G0S2: variants seen among roughly 807,000 people sequenced by gnomAD.
The protein encoded by G0S2 is G0/G1 switch protein 2.
For synonymous variants in G0S2, 64 were observed against 66.0 expected, an observed-to-expected ratio of 0.97 and a Z score of 0.15; for missense variants, 139 against 139.1, an observed-to-expected ratio of 1.00 and a Z score of 0.00.
Position 209,675,831 on chromosome 1 carries a change from C to T in G0S2, c.147C>T (p.Pro49=), listed in dbSNP as rs1369730322. The T allele has an allele frequency of 1.2e-6, 2 of 1,600,152 alleles. No homozygotes were observed. Among genetic ancestry groups the T allele is most frequent in the African/African-American group, 2.7e-5 (2 of 74,828 alleles). ...VLGLMETVCS[P]FTAARRLRDQ... is the part of the protein sequence containing the mutation. ...GCCTGATGGAGACTGTGTGCAGCCCCTTCACGGCCGCCAGACGTCTGCGGG... is the reference window on the plus strand; with the variant it reads ...GCCTGATGGAGACTGTGTGCAGCCCTTTCACGGCCGCCAGACGTCTGCGGG... Residue 49 remains proline (P), a synonymous_variant, in exon 2 of 2, where the codon CCC becomes CCT. Transcript: ENST00000367029. The surrounding 1 kb of genome is among the most constrained non-coding windows in gnomAD (Gnocchi z 5.4).
chr1:209,675,746 G>C lies in G0S2; in HGVS notation c.62G>C (p.Gly21Ala). 1.9e-6 allele frequency: 3 copies of C among 1,604,580 alleles called. No homozygotes were observed. Among genetic ancestry groups the C allele is most frequent in the Non-Finnish European group, 2.6e-6 (3 of 1,175,182 alleles). Residue 21 changes from glycine (G) to alanine (A), a missense_variant, in exon 2 of 2, where the codon GGG becomes GCG. Transcript: ENST00000367029. The surrounding 1 kb of genome is among the most constrained non-coding windows in gnomAD (Gnocchi z 5.4). ...GAGATGATGGCCCAGAAGCGCAAGG[G>C]GAAGATGGTGAAGCTGTACGTGCTG... is the stretch of plus-strand genomic sequence containing the variant. ...AKEMMAQKRK[G>A]KMVKLYVLGS...
Position 209,675,956 on chromosome 1 carries a change from T to TCGG in G0S2, c.277_279dup (p.Gly93dup). 1 of 1,564,706 alleles carries TCGG rather than the reference T, an allele frequency of 6.4e-7. No individual in the cohort carries two copies. Among genetic ancestry groups the TCGG allele is most frequent in the Non-Finnish European group, 8.7e-7 (1 of 1,150,700 alleles). On this transcript the variant is annotated inframe_insertion, in exon 2 of 2. Coordinates refer to ENST00000367029, the MANE Select transcript of G0S2 (RefSeq NM_015714.4). This position sits in a 1 kb window ranked among gnomAD's most constrained non-coding sequence, Gnocchi z 5.4. ...AAAGGCAAGCAGCAGGACACGGTCC[T>TCGG]CGGCGGCCGGGCCCTGTCCAACCGG...
chr1:209,675,873 G>A lies in G0S2; in HGVS notation c.189G>A (p.Val63=), dbSNP rs1432009950. Residue 63 remains valine (V), a synonymous_variant, in exon 2 of 2, where the codon GTG becomes GTA. Transcript: ENST00000367029. The surrounding 1 kb of genome is among the most constrained non-coding windows in gnomAD (Gnocchi z 5.4). ...ARRLRDQEAA[V]AELQAALERQ... ...GTCTGCGGGACCAGGAGGCAGCCGTGGCGGAGCTGCAGGCCGCCCTGGAGC... is the reference window on the plus strand; with the variant it reads ...GTCTGCGGGACCAGGAGGCAGCCGTAGCGGAGCTGCAGGCCGCCCTGGAGC... 1 of 1,601,038 alleles carries A rather than the reference G, an allele frequency of 6.2e-7. No individual in the cohort carries two copies. Among genetic ancestry groups the A allele is most frequent in the Non-Finnish European group, 8.5e-7 (1 of 1,173,626 alleles).
rs879055147 is a variant in G0S2 at position 209,676,225 on chromosome 1, G to T, written c.*229G>T. 1 of 486,186 alleles carries T rather than the reference G, an allele frequency of 2.1e-6. No individual in the cohort carries two copies. The highest frequency in any genetic ancestry group is 2.0e-5 in the African/African-American group (1 of 50,584). 30.1% of individuals were successfully genotyped at this position (486,186 alleles called of 1,614,324 possible). A position where few individuals can be genotyped will look rare whatever the true frequency, so the allele number is the denominator to read the frequency against. On this transcript the variant is annotated 3_prime_UTR_variant, in exon 2 of 2. Transcript: ENST00000367029. ...GAGTTTGGGATTGAGTTTTGCTGCT[G>T]TGCAGCACTGCATTGTCATGACATT...
Position 209,675,904 on chromosome 1 carries a change from G to A in G0S2, c.220G>A (p.Ala74Thr), listed in dbSNP as rs756865282. ...AELQAALERQALQKQALQEKG... is the reference protein window; with the variant it reads ...AELQAALERQTLQKQALQEKG... The stretch of plus-strand genomic sequence containing the variant: ...GCTGCAGGCCGCCCTGGAGCGACAG[G>A]CTCTCCAGAAGCAAGCCCTGCAGGA... Residue 74 changes from alanine to threonine, a missense_variant, in exon 2 of 2, where the codon GCT becomes ACT. Physicochemically the swap from Ala to Thr is moderately conservative, Grantham distance 58. Coordinates refer to ENST00000367029, the MANE Select transcript of G0S2 (RefSeq NM_015714.4). The surrounding 1 kb of genome is among the most constrained non-coding windows in gnomAD (Gnocchi z 5.4). 2 of 1,607,402 alleles carry A rather than the reference G, an allele frequency of 1.2e-6. No individual in the cohort carries two copies. Among genetic ancestry groups the A allele is most frequent in the African/African-American group, 1.3e-5 (1 of 74,960 alleles).
Position 209,676,188 on chromosome 1 carries a change from C to A in G0S2, c.*192C>A. The A allele has an allele frequency of 1.9e-6, 1 of 525,802 alleles. No individual in the cohort carries two copies. The highest frequency in any genetic ancestry group is 3.2e-5 in the East Asian group (1 of 31,712). The allele number at this position is 525,802 out of a possible 1,614,324, so 32.6% of individuals were successfully genotyped here. A position where few individuals can be genotyped will look rare whatever the true frequency, so the allele number is the denominator to read the frequency against. ...ACATCTAGAACTGACCTACCACAAG[C>A]ATCCACCAAAGGAGTTTGGGATTGA... On this transcript the variant is annotated 3_prime_UTR_variant, in exon 2 of 2. Transcript: ENST00000367029.
Position 209,675,992 on chromosome 1 carries a change from C to G in G0S2, c.308C>G (p.Ser103Cys), listed in dbSNP as rs764369651. ...GRALSNRQHA[S>C] Reference sequence around the variant, plus strand: ...GCCCTGTCCAACCGGCAGCACGCCTCCTAGGAACTGTGGGAGACCAGCGGA... The same window carrying G: ...GCCCTGTCCAACCGGCAGCACGCCTGCTAGGAACTGTGGGAGACCAGCGGA... Residue 103 changes from serine to cysteine, a missense_variant, in exon 2 of 2, where the codon TCC becomes TGC. Ser to Cys is a moderately radical substitution (Grantham distance 112). Coordinates refer to ENST00000367029, the MANE Select transcript of G0S2 (RefSeq NM_015714.4). This position sits in a 1 kb window ranked among gnomAD's most constrained non-coding sequence, Gnocchi z 5.4. 1 of 1,532,386 alleles carries G rather than the reference C, an allele frequency of 6.5e-7. No homozygotes were observed. Among genetic ancestry groups the G allele is most frequent in the Non-Finnish European group, 8.8e-7 (1 of 1,136,952 alleles). The allele number at this position is 1,532,386 out of a possible 1,614,324, so 94.9% of individuals were successfully genotyped here.
Position 209,676,205 on chromosome 1 carries a change from TG to T in G0S2, c.*212del. 2.0e-6 allele frequency: 1 copy of T among 507,616 alleles called. No homozygotes were observed. The highest frequency in any genetic ancestry group is 3.6e-6 in the Non-Finnish European group (1 of 280,330). 31.4% of individuals were successfully genotyped at this position (507,616 alleles called of 1,614,324 possible). A position where few individuals can be genotyped will look rare whatever the true frequency, so the allele number is the denominator to read the frequency against. ...ACCACAAGCATCCACCAAAGGAGTT[TG>T]GGATTGAGTTTTGCTGCTGTGCAGC... On this transcript the variant is annotated 3_prime_UTR_variant, in exon 2 of 2. Coordinates refer to ENST00000367029, the MANE Select transcript of G0S2 (RefSeq NM_015714.4).
In G0S2 at chr1:209,676,247, C is replaced by T. The variant is rs2076691310; in HGVS notation, c.*251C>T. On this transcript the variant is annotated 3_prime_UTR_variant, in exon 2 of 2. Coordinates refer to ENST00000367029, the MANE Select transcript of G0S2 (RefSeq NM_015714.4). ...GCTGTGCAGCACTGCATTGTCATGA[C>T]ATTTCCAACACTGTGTGAATTATCT... 2.3e-6 allele frequency: 1 copy of T among 441,428 alleles called. No homozygotes were observed. Among genetic ancestry groups the T allele is most frequent in the Non-Finnish European group, 4.2e-6 (1 of 240,778 alleles). 27.3% of individuals were successfully genotyped at this position (441,428 alleles called of 1,614,324 possible).
In G0S2 at chr1:209,675,679, G is replaced by C; in HGVS notation, c.-6G>C. 6.3e-7 allele frequency: 1 copy of C among 1,578,960 alleles called. No homozygotes were observed. Among genetic ancestry groups the C allele is most frequent in the Non-Finnish European group, 8.6e-7 (1 of 1,160,622 alleles). ...TCATTCCCGCCTCCGAGAGCCCAGA[G>C]CCGAGATGGAAACGGTCCAGGAGCT... On this transcript the variant is annotated 5_prime_UTR_variant, in exon 2 of 2. Coordinates refer to ENST00000367029, the MANE Select transcript of G0S2 (RefSeq NM_015714.4). This position sits in a 1 kb window ranked among gnomAD's most constrained non-coding sequence, Gnocchi z 5.4.
Position 209,676,287 on chromosome 1 carries a change from T to C in G0S2, c.*291T>C. 2.6e-6 allele frequency: 1 copy of C among 388,054 alleles called. No homozygotes were observed. Among genetic ancestry groups the C allele is most frequent in the Non-Finnish European group, 4.8e-6 (1 of 209,446 alleles). The allele number at this position is 388,054 out of a possible 1,614,324, so 24.0% of individuals were successfully genotyped here. A position where few individuals can be genotyped will look rare whatever the true frequency, so the allele number is the denominator to read the frequency against. On this transcript the variant is annotated 3_prime_UTR_variant, in exon 2 of 2. Coordinates refer to ENST00000367029, the MANE Select transcript of G0S2 (RefSeq NM_015714.4). ...GTGAATTATCTAAATGCGTCTACCATTTTGCACTAGGGAGGAAGGATAAAT... is the reference window on the plus strand; with the variant it reads ...GTGAATTATCTAAATGCGTCTACCACTTTGCACTAGGGAGGAAGGATAAAT...
In G0S2 at chr1:209,675,985, C is replaced by T. The variant is rs1246307528; in HGVS notation, c.301C>T (p.His101Tyr). 6.5e-7 allele frequency: 1 copy of T among 1,539,614 alleles called. No homozygotes were observed. Among genetic ancestry groups the T allele is most frequent in the Non-Finnish European group, 8.8e-7 (1 of 1,139,618 alleles). ...LGGRALSNRQ[H>Y]AS ...CGGCCGGGCCCTGTCCAACCGGCAG[C>T]ACGCCTCCTAGGAACTGTGGGAGAC... The change falls in exon 2 of 2, where the codon CAC (histidine) becomes TAC (tyrosine). Residue 101 changes from histidine (H) to tyrosine (Y), a missense_variant. Transcript: ENST00000367029. The surrounding 1 kb of genome is among the most constrained non-coding windows in gnomAD (Gnocchi z 5.4).
chr1:209,676,161 T>C lies in G0S2; in HGVS notation c.*165T>C, dbSNP rs1483529708. 3.4e-6 allele frequency: 2 copies of C among 588,868 alleles called. No individual in the cohort carries two copies. Among genetic ancestry groups the C allele is most frequent in the Non-Finnish European group, 6.0e-6 (2 of 332,130 alleles). 36.5% of individuals were successfully genotyped at this position (588,868 alleles called of 1,614,324 possible). A position where few individuals can be genotyped will look rare whatever the true frequency, so the allele number is the denominator to read the frequency against. ...TTGGACTTAACTTCAGAGAAACCGC[T>C]GACATCTAGAACTGACCTACCACAA... On this transcript the variant is annotated 3_prime_UTR_variant, in exon 2 of 2. Transcript: ENST00000367029.
In G0S2 at chr1:209,675,704, T is replaced by C; in HGVS notation, c.20T>C (p.Leu7Pro). The C allele has an allele frequency of 3.1e-6, 5 of 1,596,030 alleles. No individual in the cohort carries two copies. Among genetic ancestry groups the C allele is most frequent in the East Asian group, 4.5e-5 (2 of 44,016 alleles). Residue 7 changes from leucine to proline, a missense_variant, in exon 2 of 2, where the codon CTG (leucine) becomes CCG (proline). By Grantham distance (98) the Leu-to-Pro change is moderately conservative. Coordinates refer to ENST00000367029, the MANE Select transcript of G0S2 (RefSeq NM_015714.4). This position sits in a 1 kb window ranked among gnomAD's most constrained non-coding sequence, Gnocchi z 5.4. METVQELIPLAKEMMAQ... is the reference protein window; with the variant it reads METVQEPIPLAKEMMAQ... ...GCCGAGATGGAAACGGTCCAGGAGC[T>C]GATCCCCCTGGCCAAGGAGATGATG...
chr1:209,676,035 T>C lies in G0S2; in HGVS notation c.*39T>C, dbSNP rs777038516. ...CCAGCGGAGTGGGAGGGAGACGCAGTAGACAGAGACAGACCGAGAGAGGAA... is the reference window on the plus strand; with the variant it reads ...CCAGCGGAGTGGGAGGGAGACGCAGCAGACAGAGACAGACCGAGAGAGGAA... On this transcript the variant is annotated 3_prime_UTR_variant, in exon 2 of 2. Transcript: ENST00000367029. 54 of 1,444,656 alleles carry C rather than the reference T, an allele frequency of 3.7e-5. No individual in the cohort carries two copies. The highest frequency in any genetic ancestry group is 4.4e-5 in the Non-Finnish European group (47 of 1,077,502). 89.5% of individuals were successfully genotyped at this position (1,444,656 alleles called of 1,614,324 possible).
Position 209,675,507 on chromosome 1 carries a change from A to G in G0S2, c.-75A>G, listed in dbSNP as rs1378232337. 24 of 591,016 alleles carry G rather than the reference A, an allele frequency of 4.1e-5. No homozygotes were observed. In the East Asian group the frequency reaches 6.9e-4, roughly 17 times the overall value. The allele number at this position is 591,016 out of a possible 1,614,324, so 36.6% of individuals were successfully genotyped here. On this transcript the variant is annotated 5_prime_UTR_variant, in exon 1 of 2. Coordinates refer to ENST00000367029, the MANE Select transcript of G0S2 (RefSeq NM_015714.4). The surrounding 1 kb of genome is among the most constrained non-coding windows in gnomAD (Gnocchi z 5.4). ...ACCAACGGACGCGCTGACCGCTGCC[A>G]ACTGCAGCTCGCGCTGCCTCCTGCT...
At position 209,675,868 on chromosome 1, in the gene G0S2, G is replaced by A. The variant is rs140491567; in HGVS notation, c.184G>A (p.Ala62Thr). ...AARRLRDQEA[A>T]VAELQAALER... ...CAGACGTCTGCGGGACCAGGAGGCAGCCGTGGCGGAGCTGCAGGCCGCCCT... is the reference window on the plus strand; with the variant it reads ...CAGACGTCTGCGGGACCAGGAGGCAACCGTGGCGGAGCTGCAGGCCGCCCT... The change falls in exon 2 of 2, where the codon GCC (alanine) becomes ACC (threonine). Residue 62 changes from alanine (A) to threonine (T), a missense_variant. Physicochemically the swap from Ala to Thr is moderately conservative, Grantham distance 58 (BLOSUM62 0). Coordinates refer to ENST00000367029, the MANE Select transcript of G0S2 (RefSeq NM_015714.4). This position sits in a 1 kb window ranked among gnomAD's most constrained non-coding sequence, Gnocchi z 5.4. 115 of 1,600,584 alleles carry A rather than the reference G, an allele frequency of 7.2e-5. No homozygotes were observed. The African/African-American group carries it at 1.3e-3, about 18-fold the overall frequency.
chr1:209,675,891 C>T lies in G0S2; in HGVS notation c.207C>T (p.Ala69=). ...QEAAVAELQA[A]LERQALQKQA... ...CAGCCGTGGCGGAGCTGCAGGCCGC[C>T]CTGGAGCGACAGGCTCTCCAGAAGC... The change falls in exon 2 of 2, where the codon GCC becomes GCT. Residue 69 remains alanine (A), a synonymous_variant. Coordinates refer to ENST00000367029, the MANE Select transcript of G0S2 (RefSeq NM_015714.4). The surrounding 1 kb of genome is among the most constrained non-coding windows in gnomAD (Gnocchi z 5.4). 6.2e-7 allele frequency: 1 copy of T among 1,604,920 alleles called. No individual in the cohort carries two copies. The highest frequency in any genetic ancestry group is 1.1e-5 in the South Asian group (1 of 89,872).
In G0S2 at chr1:209,676,387, C is replaced by A. The variant is rs1179692987; in HGVS notation, c.*391C>A. The A allele has an allele frequency of 5.3e-6, 1 of 188,570 alleles. No individual in the cohort carries two copies. The highest frequency in any genetic ancestry group is 1.2e-5 in the Non-Finnish European group (1 of 82,338). 11.7% of individuals were successfully genotyped at this position (188,570 alleles called of 1,614,324 possible). On this transcript the variant is annotated 3_prime_UTR_variant, in exon 2 of 2. Coordinates refer to ENST00000367029, the MANE Select transcript of G0S2 (RefSeq NM_015714.4). ...TTTGAAATAAAAAAACTTTTTATACCATATCTCATGTAATTCCTGAGAGGT... is the reference window on the plus strand; with the variant it reads ...TTTGAAATAAAAAAACTTTTTATACAATATCTCATGTAATTCCTGAGAGGT...
Sources: allele counts gnomAD v4.1 joint callset, GRCh38; gene constraint gnomAD v4.1.1; non-coding constraint Gnocchi (gnomAD v3.1); transcripts MANE v1.5; gene names NCBI Gene and HGNC (gene_info 2026-07-23, HGNC 2026-07-21).